The following TMEM145 variants were observed in gnomAD, a reference collection of about 807,000 sequenced individuals.
TMEM145 encodes the protein transmembrane protein 145.
In TMEM145, 46 loss-of-function variants were observed where a neutral mutation model predicts 68.5. The ratio of observed to expected loss-of-function variants is 0.67; its 90% CI spans 0.53 to 0.86. The LOEUF (loss-of-function observed/expected upper bound fraction) is 0.86. Ranked by LOEUF, TMEM145 falls within the 40% of genes least tolerant of loss-of-function variation. The pLI, the probability that TMEM145 is intolerant of heterozygous loss-of-function variation, is 0.00. For synonymous variants in TMEM145, 255 were observed against 280.2 expected, an observed-to-expected ratio of 0.91 and a Z score of 0.90; for missense variants, 570 against 645.8, an observed-to-expected ratio of 0.88 and a Z score of 1.27.
chr19:42,318,195 G>A (rs1016565254), intron 12 of TMEM145, among the ~76,000 whole-genome samples: 8 of 150,842 alleles, frequency 5.3e-5, no homozygotes, highest in African/African-American at 1.2e-4. Context: ...GTGAAACCCC[G>A]TCTCTACTAA....
intron 13 of TMEM145, 79 bp downstream of exon 13, chr19:42,320,516 T>C: frequency 6.3e-7 from 1 of 1,589,526 alleles, no homozygotes; most frequent in Non-Finnish European, 8.6e-7. Flanking sequence ...CCTGATCTGC[T>C]GGACCTCCTG....
intron 6 of TMEM145, 41 bp downstream of exon 6, chr19:42,315,118 C>T: frequency 6.2e-7 from 1 of 1,614,096 alleles, no homozygotes; most frequent in Non-Finnish European, 8.5e-7. Flanking sequence ...CTCTGTGGGA[C>T]ACCAGAGCTG....
intron 9 of TMEM145, 22 bp from the exon 10 acceptor site, chr19:42,316,640 G>T (rs370985303): frequency 6.2e-7 from 1 of 1,613,544 alleles, no homozygotes; most frequent in Non-Finnish European, 8.5e-7. Context: ...GCTCTGAGCC[G>T]CCCCCTCCTC....
rs185966365 is a variant in TMEM145, at chr19:42,313,420, C to T, written c.44C>T (p.Pro15Leu). ...CCCGCGCTGCGCCGCCTGCTGCCGCCGCTGCTGCTCCTGCTGCTGTCACTG... is the reference window on the plus strand; with the variant it reads ...CCCGCGCTGCGCCGCCTGCTGCCGCTGCTGCTGCTCCTGCTGCTGTCACTG... ...RAPALRRLLPPLLLLLLSLPP... is the reference protein window; with the variant it reads ...RAPALRRLLPLLLLLLLSLPP... The change falls in exon 1 of 15, where the codon CCG becomes CTG. Residue 15 changes from proline to leucine, a missense_variant. Physicochemically the swap from Pro to Leu is moderately conservative, Grantham distance 98 (BLOSUM62 -3). Coordinates refer to ENST00000301204, the MANE Select transcript of TMEM145 (RefSeq NM_173633.3). This position sits in a 1 kb window ranked among gnomAD's most constrained non-coding sequence, Gnocchi z 5.1. The T allele has an allele frequency of 4.9e-3, 6,741 of 1,369,842 alleles. 34 individuals carry two copies. The highest frequency in any genetic ancestry group is 0.018 in the Middle Eastern group (68 of 3,688). The allele number at this position is 1,369,842 out of a possible 1,614,324, so 84.9% of individuals were successfully genotyped here.
intron 14 of TMEM145, 39 bp downstream of exon 14, chr19:42,323,828 G>A (rs1465054560): frequency 1.3e-6 from 2 of 1,593,088 alleles, no homozygotes; most frequent in Admixed American, 1.7e-5. Flanking sequence ...AGCTGCTGGC[G>A]CCGCCCCTGG....
Position 42,317,853 on chromosome 19 carries a change from G to A in TMEM145, c.1045G>A (p.Val349Met). The change falls in exon 12 of 15, where the codon GTG becomes ATG. Residue 349 changes from valine (V) to methionine (M), a missense_variant. Physicochemically the swap from Val to Met is conservative, Grantham distance 21 (BLOSUM62 1). Coordinates refer to ENST00000301204, the MANE Select transcript of TMEM145 (RefSeq NM_173633.3). Reference protein sequence around the residue: ...RHFPEKQPFYVPFFAAYTLWF... With the variant: ...RHFPEKQPFYMPFFAAYTLWF... ...CTTTCCTGAGAAGCAGCCTTTTTAT[G>A]TGCCCTTCTTTGCTGCCTATACCCT... 2 of 1,614,140 alleles carry A rather than the reference G, an allele frequency of 1.2e-6. No individual in the cohort carries two copies. The highest frequency in any genetic ancestry group is 1.1e-5 in the South Asian group (1 of 91,080).
intron 11 of TMEM145, among the ~76,000 whole-genome samples, chr19:42,317,447 C>G (rs536568037): frequency 1.4e-4 from 21 of 152,344 alleles, no homozygotes; most frequent in Non-Finnish European, 2.2e-4. Flanking sequence ...TAAGACCTAC[C>G]TCGTTGAGTA....
At chr19:42,323,274 A>G (rs188169568) in intron 13 of TMEM145, among the ~76,000 whole-genome samples, 9 of 152,324 alleles carry the variant, frequency 5.9e-5, no homozygotes, top group Admixed American at 4.6e-4. Flanking sequence ...TTTAAATTTT[A>G]TTTTGATTAA....
chr19:42,317,314 G>A (rs576946649), intron 11 of TMEM145, among the ~76,000 whole-genome samples: 3 of 152,152 alleles, frequency 2.0e-5, no homozygotes, highest in African/African-American at 7.2e-5. Context: ...TTTCTTCTTG[G>A]AAAATTGGGA....
chr19:42,320,038 C>T (rs113229753), intron 12 of TMEM145, among the ~76,000 whole-genome samples: 72 of 152,284 alleles, frequency 4.7e-4, no homozygotes, highest in African/African-American at 1.6e-3. Context: ...GGATTATAGG[C>T]GTGAGCCACC....
chr19:42,316,508 A>G lies in TMEM145; in HGVS notation c.674A>G (p.Tyr225Cys). Residue 225 changes from tyrosine (Y) to cysteine (C), a missense_variant, in exon 9 of 15, where the codon TAC becomes TGC. By Grantham distance (194) the Tyr-to-Cys change is radical. Coordinates refer to ENST00000301204, the MANE Select transcript of TMEM145 (RefSeq NM_173633.3). Reference protein sequence around the residue: ...EVLSLLFFCIYWGQYATDGIG... With the variant: ...EVLSLLFFCICWGQYATDGIG... ...CTGAGCCTCCTATTTTTCTGCATCT[A>G]CTGGGGTCAATATGCCACCGATGGC... 6.2e-7 allele frequency: 1 copy of G among 1,614,016 alleles called. No individual in the cohort carries two copies. Among genetic ancestry groups the G allele is most frequent in the Middle Eastern group, 1.6e-4 (1 of 6,062 alleles).
At chr19:42,318,379 A>C (rs1003642965) in intron 12 of TMEM145, among the ~76,000 whole-genome samples, 6 of 146,900 alleles carry the variant, frequency 4.1e-5, no homozygotes, top group Non-Finnish European at 7.5e-5. Context: ...AAAAAAAAAA[A>C]AAAAAACCAA....
At chr19:42,323,435 G>T in intron 13 of TMEM145, 148 bp from the exon 14 acceptor site, 1 of 730,148 alleles carries the variant, frequency 1.4e-6, no homozygotes, top group Non-Finnish European at 2.3e-6. Context: ...CATTTGGAGA[G>T]CCCAGAGGGG....
In TMEM145 at chr19:42,314,679, T is replaced by A; in HGVS notation, c.340T>A (p.Tyr114Asn). 6.2e-7 allele frequency: 1 copy of A among 1,614,154 alleles called. No individual in the cohort carries two copies. Among genetic ancestry groups the A allele is most frequent in the Non-Finnish European group, 8.5e-7 (1 of 1,180,016 alleles). Residue 114 changes from tyrosine (Y) to asparagine (N), a missense_variant, in exon 4 of 15, where the codon TAT becomes AAT. Coordinates refer to ENST00000301204, the MANE Select transcript of TMEM145 (RefSeq NM_173633.3). ...NNQVINLTTQ[Y>N]AWSGCQVVSE... ...CCAGGTCATCAACCTCACCACCCAG[T>A]ATGCCTGGTCCGGCTGTCAGGTGCA...
intron 10 of TMEM145, 65 bp downstream of exon 10, chr19:42,316,805 G>A: frequency 2.5e-6 from 4 of 1,609,090 alleles, no homozygotes; most frequent in Non-Finnish European, 3.4e-6. Context: ...AGGGTTGGGG[G>A]GCTGGGTGCA....
chr19:42,321,509 C>A lies in TMEM145; in HGVS notation c.1194+1072C>A, dbSNP rs557781936. 9.5e-5 allele frequency: 18 copies of A among 189,248 alleles called. No individual in the cohort carries two copies. The South Asian group carries it at 3.5e-3, about 37-fold the overall frequency. The allele number at this position is 189,248 out of a possible 1,614,324, so 11.7% of individuals were successfully genotyped here. A position where few individuals can be genotyped will look rare whatever the true frequency, so the allele number is the denominator to read the frequency against. On this transcript the variant is annotated intron_variant, in intron 13 of 14. Transcript: ENST00000301204. ...AGTTCATGCCATTCCCCTGCCTCAG[C>A]CTCCCTAGTAGCTGGGACTACAGGC...
chr19:42,324,698 C>G (rs996514165), intron 14 of TMEM145, 39 bp from the exon 15 acceptor site: 1 of 1,073,206 alleles, frequency 9.3e-7, no homozygotes, highest in Non-Finnish European at 1.2e-6. Context: ...CTGTGCCAAA[C>G]GGTCCCGCGG....
At chr19:42,319,234 G>A (rs368860148) in intron 12 of TMEM145, among the ~76,000 whole-genome samples, 6 of 152,174 alleles carry the variant, frequency 3.9e-5, no homozygotes, top group African/African-American at 1.4e-4. Flanking sequence ...GCTTATAGAT[G>A]ATGTGACCTC....
chr19:42,317,574 G>C (rs1033693915), intron 11 of TMEM145, 135 bp from the exon 12 acceptor site: 3 of 728,814 alleles, frequency 4.1e-6, no homozygotes, highest in Non-Finnish European at 6.8e-6. Context: ...ATATGCTTCT[G>C]TCTCCGTGCC....
Sources: gnomAD v4.1 joint callset for allele counts (sites outside exome capture counted in the v4.1 genomes callset) on GRCh38, gnomAD v4.1.1 for gene constraint, Gnocchi (gnomAD v3.1) non-coding constraint, MANE v1.5 for transcripts, NCBI Gene and HGNC (gene_info 2026-07-23, HGNC 2026-07-21) for gene names.